PTPRG: variants seen among roughly 807,000 people sequenced by gnomAD.
PTPRG encodes the protein receptor-type tyrosine-protein phosphatase gamma.
In PTPRG, 102 loss-of-function variants were observed where a neutral mutation model predicts 165.3. That is an observed-to-expected ratio of 0.62 (90% CI 0.53 to 0.73). PTPRG has a LOEUF of 0.73. Ranked by LOEUF, PTPRG falls within the 30% of genes least tolerant of loss-of-function variation. The pLI, the probability that PTPRG is intolerant of heterozygous loss-of-function variation, is 0.00. For synonymous variants in PTPRG, 675 were observed against 669.5 expected (o/e 1.01, Z -0.13); for missense variants, 1,866 against 1,861.4 (o/e 1.00, Z -0.05).
At chr3:62,163,874 C>A (rs1216496707) in intron 7 of PTPRG, among the ~76,000 whole-genome samples, 4 of 152,178 alleles carry the variant, frequency 2.6e-5, no homozygotes, top group Admixed American at 2.6e-4. Flanking sequence ...ACACATTTAG[C>A]AAGTAGGGTT....
rs1703815805 is a variant in PTPRG, at chr3:62,138,761, T to C, written c.682+6093T>C. 2.0e-5 allele frequency among the ~76,000 whole-genome samples: 3 copies of C among 150,374 alleles called. No individual in the cohort carries two copies. The South Asian group carries it at 6.4e-4, about 32-fold the overall frequency. On this transcript the variant is annotated intron_variant, in intron 6 of 29. Coordinates refer to ENST00000474889, the MANE Select transcript of PTPRG (RefSeq NM_002841.4). The stretch of plus-strand genomic sequence containing the variant: ...AGAAAGACGAAATACATGTGCATTA[T>C]ACGTCGCTTCTCGTCCTTTCGGCTA...
At chr3:62,126,718 C>A (rs776423200) in intron 5 of PTPRG, among the ~76,000 whole-genome samples, 11 of 152,206 alleles carry the variant, frequency 7.2e-5, no homozygotes, top group Non-Finnish European at 1.2e-4. Flanking sequence ...ATTCTCTAGA[C>A]CAGGAATCCA....
Position 61,794,811 on chromosome 3 carries a change from C to T in PTPRG, c.190+45829C>T, listed in dbSNP as rs144088807. Among the ~76,000 whole-genome samples the T allele has an allele frequency of 5.3e-5, 8 of 152,120 alleles. No homozygotes were observed. In the East Asian group the frequency reaches 5.8e-4, roughly 11 times the overall value. The stretch of plus-strand genomic sequence containing the variant: ...TTGGGAACTTACCTGTGGATAGAGT[C>T]GGTCTCCCACCTGAGAATGAGAAAG... On this transcript the variant is annotated intron_variant, in intron 2 of 29. Transcript: ENST00000474889.
At chr3:61,718,612 A>G (rs2031917239) in intron 1 of PTPRG, among the ~76,000 whole-genome samples, 1 of 152,186 alleles carries the variant, frequency 6.6e-6, no homozygotes, top group African/African-American at 2.4e-5. Flanking sequence ...CAAAATCAGG[A>G]AAAACCGTAT....
chr3:61,749,896 T>A (rs377128191), intron 2 of PTPRG: 1 of 152,198 alleles, frequency 6.6e-6, no homozygotes, highest in Non-Finnish European at 1.5e-5. Context: ...ATTCTTTTCA[T>A]AATGATGCTC....
intron 2 of PTPRG, among the ~76,000 whole-genome samples, chr3:61,758,558 T>C (rs1375576867): frequency 6.6e-6 from 1 of 152,068 alleles, no homozygotes; most frequent in Non-Finnish European, 1.5e-5. Flanking sequence ...TTCAAACAAT[T>C]CTCTTGTCTC....
At chr3:61,909,196 GA>G (rs2038737199) in intron 2 of PTPRG, among the ~76,000 whole-genome samples, 3 of 152,150 alleles carry the variant, frequency 2.0e-5, no homozygotes, top group African/African-American at 7.2e-5. Flanking sequence ...CAGCTACTGA[GA>G]ATTTTAGATT....
At chr3:61,913,013 G>T (rs947122989) in intron 2 of PTPRG, among the ~76,000 whole-genome samples, 3 of 152,228 alleles carry the variant, frequency 2.0e-5, no homozygotes, top group Non-Finnish European at 4.4e-5. Flanking sequence ...GAGAGCACCA[G>T]CCAAGGAGAC....
chr3:61,731,165 G>A (rs572338777), intron 1 of PTPRG, among the ~76,000 whole-genome samples: 15 of 152,186 alleles, frequency 9.9e-5, no homozygotes, highest in Non-Finnish European at 1.5e-4. Context: ...TTTTACCCCC[G>A]TTGAGTTAGC....
At chr3:62,146,502 G>A (rs1039692622) in intron 6 of PTPRG, among the ~76,000 whole-genome samples, 1 of 152,144 alleles carries the variant, frequency 6.6e-6, no homozygotes, top group Non-Finnish European at 1.5e-5. Context: ...CTGTAAGGAA[G>A]GCCATGAGGC....
intron 5 of PTPRG, among the ~76,000 whole-genome samples, chr3:62,115,088 G>A (rs1199926477): frequency 1.3e-5 from 2 of 152,266 alleles, no homozygotes; most frequent in Admixed American, 1.3e-4. Flanking sequence ...AGATTTTCAG[G>A]TCATCAGAAA....
chr3:62,281,537 G>GGTTTTTTTTTTTT, intron 26 of PTPRG, 26 bp from the exon 27 acceptor site: 1 of 174,776 alleles, frequency 5.7e-6, no homozygotes. Flanking sequence ...AACTGCAGAG[G>GGTTTTTTTTTTTT]CTTTTTTTTT....
chr3:61,794,444 T>A (rs1241351256), intron 2 of PTPRG, among the ~76,000 whole-genome samples: 1 of 152,228 alleles, frequency 6.6e-6, no homozygotes, highest in Non-Finnish European at 1.5e-5. Flanking sequence ...CTGGTCCCTA[T>A]GTAATTTGAC....
intron 2 of PTPRG, among the ~76,000 whole-genome samples, chr3:61,805,377 T>G (rs1224549414): frequency 1.3e-5 from 2 of 152,206 alleles, no homozygotes; most frequent in African/African-American, 4.8e-5. Context: ...GGATGTTTTC[T>G]AGGCTTAAAC....
intron 1 of PTPRG, among the ~76,000 whole-genome samples, chr3:61,587,991 A>G (rs571634998): frequency 6.6e-6 from 1 of 151,196 alleles, no homozygotes; most frequent in East Asian, 1.9e-4. Flanking sequence ...TTTCTGGTCC[A>G]GGATCCAAAT....
intron 2 of PTPRG, among the ~76,000 whole-genome samples, chr3:61,778,479 T>A (rs940638544): frequency 6.6e-6 from 1 of 151,978 alleles, no homozygotes; most frequent in Admixed American, 6.6e-5. Context: ...TGGGGGTGGG[T>A]TTGCAAAGGG....
intron 10 of PTPRG, among the ~76,000 whole-genome samples, chr3:62,196,965 A>G (rs1162363922): frequency 6.6e-6 from 1 of 152,196 alleles, no homozygotes; most frequent in Admixed American, 6.5e-5. Flanking sequence ...CCCCTCCCAG[A>G]CCAACTGCAT....
Position 61,676,456 on chromosome 3 carries a change from C to CA in PTPRG, c.86-72404dup, listed in dbSNP as rs71629138. Among the ~76,000 whole-genome samples, 59 of 21,868 alleles carry CA rather than the reference C, an allele frequency of 2.7e-3. 10 individuals are homozygous for CA. Among genetic ancestry groups the CA allele is most frequent in the South Asian group, 5.4e-3 (3 of 552 alleles). The allele number at this position is 21,868 out of a possible 152,430, so 14.3% of individuals were successfully genotyped here. A position where few individuals can be genotyped will look rare whatever the true frequency, so the allele number is the denominator to read the frequency against. On this transcript the variant is annotated intron_variant, in intron 1 of 29. Coordinates refer to ENST00000474889, the MANE Select transcript of PTPRG (RefSeq NM_002841.4). The stretch of plus-strand genomic sequence containing the variant: ...TGGGCGACAGAGCCAGACTCCATCT[C>CA]AAAAAAAAAAAAAAAAAAGAAAATT...
chr3:62,129,850 G>T (rs1287373169), intron 5 of PTPRG, among the ~76,000 whole-genome samples: 1 of 152,144 alleles, frequency 6.6e-6, no homozygotes, highest in African/African-American at 2.4e-5. Flanking sequence ...CACCTTTTTG[G>T]AGGAGCACAT....
Sources: gnomAD v4.1 joint callset for allele counts (sites outside exome capture counted in the v4.1 genomes callset) on GRCh38, gnomAD v4.1.1 for gene constraint, MANE v1.5 for transcripts, NCBI Gene and HGNC (gene_info 2026-07-23, HGNC 2026-07-21) for gene names.